SVEP1: variants seen among roughly 807,000 people sequenced by gnomAD.
SVEP1 encodes the protein sushi, von Willebrand factor type A, EGF and pentraxin domain containing 1.
SVEP1 carries 164 observed loss-of-function variants against 367.3 expected under a neutral mutation model. That is an observed-to-expected ratio of 0.45 (90% CI 0.39 to 0.51). SVEP1 has a LOEUF of 0.51. SVEP1 is among the 20% of genes least tolerant of loss of function. SVEP1 has a pLI of 0.00. For synonymous variants in SVEP1, 1,666 were observed against 1,611.6 expected (o/e 1.03, Z -0.81); for missense variants, 4,117 against 4,425.3 (o/e 0.93, Z 1.98).
At chr9:110,396,205 C>T (rs537826901) in intron 40 of SVEP1, among the ~76,000 whole-genome samples, 117 of 151,816 alleles carry the variant, frequency 7.7e-4, no homozygotes, top group African/African-American at 1.9e-3. Context: ...CACTCAAAAC[C>T]GCTCAACTAC....
chr9:110,440,809 T>A (rs1031604561), intron 27 of SVEP1, among the ~76,000 whole-genome samples: 1 of 152,210 alleles, frequency 6.6e-6, no homozygotes, highest in African/African-American at 2.4e-5. Context: ...GGTCCCCTCT[T>A]CCATTCTGAG....
At chr9:110,488,715 A>G (rs912902927) in intron 9 of SVEP1, among the ~76,000 whole-genome samples, 1 of 151,722 alleles carries the variant, frequency 6.6e-6, no homozygotes, top group Non-Finnish European at 1.5e-5. Context: ...TTAAAAAAAA[A>G]CAAAACAAAT....
intron 13 of SVEP1, among the ~76,000 whole-genome samples, 196 bp from the exon 14 acceptor site, chr9:110,476,511 T>A (rs1829098528): frequency 6.6e-6 from 1 of 152,090 alleles, no homozygotes; most frequent in Non-Finnish European, 1.5e-5. Flanking sequence ...CAGGATTAGT[T>A]TCACACCTTT....
chr9:110,513,198 A>G (rs1286695127), intron 4 of SVEP1, 93 bp from the exon 5 acceptor site: 9 of 1,160,450 alleles, frequency 7.8e-6, no homozygotes, highest in Non-Finnish European at 1.1e-5. Context: ...GCATTTATGC[A>G]TATGTGTCAA....
intron 14 of SVEP1, among the ~76,000 whole-genome samples, chr9:110,472,699 T>C (rs1416980623): frequency 6.6e-6 from 1 of 152,178 alleles, no homozygotes; most frequent in East Asian, 1.9e-4. Flanking sequence ...TCTCCAATCC[T>C]TTTTTCTTTT....
At chr9:110,475,311 A>G (rs926159886) in intron 14 of SVEP1, among the ~76,000 whole-genome samples, 2 of 152,108 alleles carry the variant, frequency 1.3e-5, no homozygotes, top group African/African-American at 4.8e-5. Context: ...TTCTAAACAC[A>G]TGACTTGAAC....
chr9:110,504,822 T>C (rs767156260), intron 5 of SVEP1, among the ~76,000 whole-genome samples: 4 of 152,166 alleles, frequency 2.6e-5, no homozygotes, highest in Non-Finnish European at 5.9e-5. Context: ...CATTAACTCT[T>C]CCTTTGTTAA....
chr9:110,495,831 T>C (rs1398014903), intron 8 of SVEP1, among the ~76,000 whole-genome samples: 1 of 152,196 alleles, frequency 6.6e-6, no homozygotes, highest in Non-Finnish European at 1.5e-5. Context: ...TTCTGAATAA[T>C]GCTGGATTCA....
chr9:110,555,152 G>A (rs1830340114), intron 1 of SVEP1, among the ~76,000 whole-genome samples: 1 of 151,556 alleles, frequency 6.6e-6, no homozygotes, highest in Non-Finnish European at 1.5e-5. Context: ...CTTCTACAAG[G>A]TCACAGCAGT....
intron 3 of SVEP1, among the ~76,000 whole-genome samples, chr9:110,537,392 C>A (rs907214020): frequency 2.0e-5 from 3 of 151,844 alleles, no homozygotes; most frequent in African/African-American, 7.2e-5. Flanking sequence ...GAGAAAGTAT[C>A]AAAATGTATA....
At position 110,426,263 on chromosome 9, in the gene SVEP1, C is replaced by A. The variant is rs146895162; in HGVS notation, c.5975+1328G>T. 1.4e-4 allele frequency among the ~76,000 whole-genome samples: 21 copies of A among 152,304 alleles called. No individual in the cohort carries two copies. In the East Asian group the frequency reaches 3.7e-3, roughly 27 times the overall value. ...AGAAAATATTGTTGCCACCTGCTGG[C>A]AGTCATGTATTAGTGGAATGGTTTT... On this transcript the variant is annotated intron_variant, in intron 36 of 47. Coordinates refer to ENST00000374469, the MANE Select transcript of SVEP1 (RefSeq NM_153366.4).
At chr9:110,429,012 T>C (rs894027907) in intron 35 of SVEP1, 131 bp downstream of exon 35, 3 of 712,678 alleles carry the variant, frequency 4.2e-6, no homozygotes, top group Non-Finnish European at 6.5e-6. Context: ...GAGATTGCAG[T>C]GAGCTGAGAT....
intron 3 of SVEP1, among the ~76,000 whole-genome samples, chr9:110,516,390 C>G (rs149859007): frequency 0.02 from 3,035 of 151,734 alleles, 46 homozygotes; most frequent in South Asian, 0.064. Flanking sequence ...AATTCCAGAT[C>G]TGGAGAGATT....
intron 13 of SVEP1, among the ~76,000 whole-genome samples, 187 bp from the exon 14 acceptor site, chr9:110,476,502 A>G (rs1177902777): frequency 6.6e-6 from 1 of 152,154 alleles, no homozygotes; most frequent in Non-Finnish European, 1.5e-5. Flanking sequence ...GTTGGTCACC[A>G]GGATTAGTTT....
At chr9:110,399,590 A>G (rs1000579217) in intron 40 of SVEP1, among the ~76,000 whole-genome samples, 9 of 151,906 alleles carry the variant, frequency 5.9e-5, no homozygotes, top group African/African-American at 1.9e-4. Flanking sequence ...CTGGAGTGCA[A>G]TGGTGCGATC....
chr9:110,389,734 A>C (rs766631252), intron 40 of SVEP1, 147 bp from the exon 41 acceptor site: 111 of 809,628 alleles, frequency 1.4e-4, no homozygotes, highest in Non-Finnish European at 1.9e-4. Context: ...TGAAAGTCTA[A>C]ATCTACTCCT....
At chr9:110,465,730 A>C in intron 18 of SVEP1, 135 bp downstream of exon 18, 1 of 1,175,356 alleles carries the variant, frequency 8.5e-7, no homozygotes, top group East Asian at 2.6e-5. Context: ...CAAACAAAAA[A>C]ACCTCTTTAT....
At chr9:110,576,271 T>C (rs1830626376) in intron 1 of SVEP1, among the ~76,000 whole-genome samples, 1 of 152,040 alleles carries the variant, frequency 6.6e-6, no homozygotes, top group East Asian at 1.9e-4. Context: ...AAGCACATTC[T>C]ACAGTGGAAA....
At chr9:110,532,427 G>A (rs867706151) in intron 3 of SVEP1, among the ~76,000 whole-genome samples, 1 of 152,056 alleles carries the variant, frequency 6.6e-6, no homozygotes, top group Non-Finnish European at 1.5e-5. Context: ...AGTAAGAAAT[G>A]AACGGACACA....
Sources: gnomAD v4.1 joint callset for allele counts (sites outside exome capture counted in the v4.1 genomes callset) on GRCh38, gnomAD v4.1.1 for gene constraint, MANE v1.5 for transcripts, NCBI Gene and HGNC (gene_info 2026-07-23, HGNC 2026-07-21) for gene names.